DPP10: variants seen among roughly 807,000 people sequenced by gnomAD.
DPP10 encodes inactive dipeptidyl peptidase 10.
In DPP10, 33 loss-of-function variants were observed where a neutral mutation model predicts 120.9. The ratio of observed to expected loss-of-function variants is 0.27; its 90% CI spans 0.21 to 0.37. The LOEUF (loss-of-function observed/expected upper bound fraction) is 0.37, where lower values mean the gene tolerates loss of function less well. DPP10 is among the 10% of genes least tolerant of loss of function. The pLI is 1.00. For synonymous variants in DPP10, 337 were observed against 326.1 expected (o/e 1.03, Z -0.36); for missense variants, 816 against 942.8 (o/e 0.87, Z 1.76).
intron 1 of DPP10, among the ~76,000 whole-genome samples, chr2:115,151,863 T>G (rs1350610857): frequency 6.6e-6 from 1 of 151,970 alleles, no homozygotes; most frequent in Non-Finnish European, 1.5e-5. Flanking sequence ...GTGTTAAATA[T>G]TTTTCTCCTT....
chr2:114,704,711 T>C (rs1290988521), intron 1 of DPP10, among the ~76,000 whole-genome samples: 1 of 152,196 alleles, frequency 6.6e-6, no homozygotes, highest in Non-Finnish European at 1.5e-5. Flanking sequence ...GAAGTATACC[T>C]ACAGGGTGAG....
intron 1 of DPP10, among the ~76,000 whole-genome samples, chr2:115,303,504 A>G (rs1421722138): frequency 6.6e-6 from 1 of 151,762 alleles, no homozygotes; most frequent in Admixed American, 6.6e-5. Flanking sequence ...TTCATTCTAG[A>G]TTTTGTATAG....
intron 1 of DPP10, among the ~76,000 whole-genome samples, chr2:114,531,553 TATATATGTATTC>T (rs1685985715): frequency 1.9e-5 from 1 of 52,770 alleles, no homozygotes; most frequent in Non-Finnish European, 3.6e-5. Flanking sequence ...AATGAATACA[TATATATGTATTC>T]ATATATATAT....
chr2:114,854,350 TAG>T (rs1359832259), intron 1 of DPP10, among the ~76,000 whole-genome samples: 2 of 152,322 alleles, frequency 1.3e-5, no homozygotes, highest in African/African-American at 4.8e-5. Flanking sequence ...AAATAAATAT[TAG>T]AGTTTATATC....
intron 1 of DPP10, among the ~76,000 whole-genome samples, chr2:115,078,412 T>C (rs1291684235): frequency 6.6e-6 from 1 of 152,206 alleles, no homozygotes; most frequent in African/African-American, 2.4e-5. Context: ...GTAAAACTGT[T>C]TTAAAGTCAA....
chr2:115,511,731 CTT>C (rs61236857), intron 4 of DPP10, among the ~76,000 whole-genome samples: 17 of 82,594 alleles, frequency 2.1e-4, no homozygotes, highest in East Asian at 4.5e-4. Context: ...TCTTCTTCTT[CTT>C]TTTTTTTTTT....
intron 1 of DPP10, among the ~76,000 whole-genome samples, chr2:114,702,257 G>A (rs574055149): frequency 1.4e-4 from 21 of 152,202 alleles, no homozygotes; most frequent in African/African-American, 5.1e-4. Context: ...AGGGGGGCAT[G>A]GTCAGAAGAA....
At chr2:115,624,144 G>A (rs1261546500) in intron 5 of DPP10, among the ~76,000 whole-genome samples, 1 of 152,136 alleles carries the variant, frequency 6.6e-6, no homozygotes, top group African/African-American at 2.4e-5. Flanking sequence ...TCTTGGAGAA[G>A]AAAGTTCAAG....
rs747808728 is a variant in DPP10, at chr2:115,595,097, G to A, written c.441+69125G>A. On this transcript the variant is annotated intron_variant, in intron 5 of 25. Coordinates refer to ENST00000410059, the MANE Select transcript of DPP10 (RefSeq NM_020868.6). ...TTTGAAATTTGATTTTGGAAAGTTT[G>A]TCAAATATGTAAGATTTTAAACATC... Among the ~76,000 whole-genome samples the A allele has an allele frequency of 6.8e-4, 103 of 152,170 alleles. No homozygotes were observed. The Middle Eastern group carries it at 0.01, about 15-fold the overall frequency.
At chr2:115,501,562 C>T (rs957335989) in intron 4 of DPP10, among the ~76,000 whole-genome samples, 3 of 152,022 alleles carry the variant, frequency 2.0e-5, no homozygotes, top group African/African-American at 7.2e-5. Flanking sequence ...ATTTACTTGT[C>T]TTCTAAGATT....
intron 1 of DPP10, among the ~76,000 whole-genome samples, chr2:114,641,525 A>G (rs969872179): frequency 2.0e-5 from 3 of 152,012 alleles, no homozygotes; most frequent in South Asian, 2.1e-4. Flanking sequence ...TACGTATGAT[A>G]GAAAATACAA....
At chr2:115,403,381 CTTTTTTTTTT>C (rs78116780) in intron 3 of DPP10, among the ~76,000 whole-genome samples, 22 of 118,450 alleles carry the variant, frequency 1.9e-4, no homozygotes, top group Middle Eastern at 4.1e-3. Context: ...TTCTTTCCTT[CTTTTTTTTTT>C]TTTTTTTTTT....
intron 1 of DPP10, among the ~76,000 whole-genome samples, chr2:115,206,947 A>G (rs1279705350): frequency 6.6e-6 from 1 of 152,216 alleles, no homozygotes; most frequent in Non-Finnish European, 1.5e-5. Context: ...ATAGAACTAG[A>G]AACAGAACAT....
Position 115,605,485 on chromosome 2 carries a change from A to G in DPP10, c.441+79513A>G, listed in dbSNP as rs17044771. On this transcript the variant is annotated intron_variant, in intron 5 of 25. Coordinates refer to ENST00000410059, the MANE Select transcript of DPP10 (RefSeq NM_020868.6). ...TATTCTGATTCTTTCCATTCTAAGCAAAGAAGAAGTGCATTTTTCTCCAGA... is the reference window on the plus strand; with the variant it reads ...TATTCTGATTCTTTCCATTCTAAGCGAAGAAGAAGTGCATTTTTCTCCAGA... 8.0e-3 allele frequency among the ~76,000 whole-genome samples: 1,214 copies of G among 152,178 alleles called. 18 individuals are homozygous for G. Among genetic ancestry groups the G allele is most frequent in the African/African-American group, 0.028 (1,176 of 41,536 alleles).
At chr2:114,864,477 C>G (rs150847056) in intron 1 of DPP10, among the ~76,000 whole-genome samples, 257 of 152,286 alleles carry the variant, frequency 1.7e-3, no homozygotes, top group African/African-American at 6.1e-3. Context: ...CCTAGTCCCA[C>G]AAGCTCTTAC....
At chr2:115,136,827 A>C (rs1209211419) in intron 1 of DPP10, among the ~76,000 whole-genome samples, 1 of 152,178 alleles carries the variant, frequency 6.6e-6, no homozygotes, top group Non-Finnish European at 1.5e-5. Flanking sequence ...TCCCTAGTGT[A>C]AGGAGGCACA....
chr2:115,730,760 G>C (rs1035030037), intron 8 of DPP10, among the ~76,000 whole-genome samples: 1 of 152,140 alleles, frequency 6.6e-6, no homozygotes, highest in African/African-American at 2.4e-5. Flanking sequence ...CAGAACAAAC[G>C]GGTAATACAA....
intron 5 of DPP10, among the ~76,000 whole-genome samples, chr2:115,582,563 C>T (rs890285431): frequency 6.6e-6 from 1 of 152,136 alleles, no homozygotes; most frequent in African/African-American, 2.4e-5. Flanking sequence ...TGCTCTCTTG[C>T]CCTGCTCATG....
intron 3 of DPP10, among the ~76,000 whole-genome samples, chr2:115,378,680 G>A (rs1400505654): frequency 6.6e-6 from 1 of 151,834 alleles, no homozygotes; most frequent in African/African-American, 2.4e-5. Context: ...TATGATATTG[G>A]CTGTGGGTTT....
Sources: gnomAD v4.1 joint callset for allele counts (sites outside exome capture counted in the v4.1 genomes callset) on GRCh38, gnomAD v4.1.1 for gene constraint, MANE v1.5 for transcripts, NCBI Gene and HGNC (gene_info 2026-07-23, HGNC 2026-07-21) for gene names.